Variants in CSMD1 observed in about 807,000 individuals in gnomAD.
CSMD1 encodes the protein CUB and sushi domain-containing protein 1.
In CSMD1, 213 loss-of-function variants were observed where a neutral mutation model predicts 417.5. That is an observed-to-expected ratio of 0.51 (90% CI 0.46 to 0.57). The LOEUF is 0.57. Ranked by LOEUF, CSMD1 falls within the 20% of genes least tolerant of loss-of-function variation. The pLI is 0.00. For missense variants in CSMD1, 6,923 were observed against 4,529.7 expected (o/e 1.53, Z -15.17); for synonymous variants, 2,862 against 1,736.8 (o/e 1.65, Z -16.11).
At chr8:3,189,277 T>A (rs897950525) in intron 34 of CSMD1, among the ~76,000 whole-genome samples, 1 of 152,238 alleles carries the variant, frequency 6.6e-6, no homozygotes, top group Non-Finnish European at 1.5e-5. Context: ...TGATGTCCAA[T>A]GATGGCATCT....
chr8:4,967,841 G>A (rs1005008893), intron 1 of CSMD1, among the ~76,000 whole-genome samples: 1 of 152,172 alleles, frequency 6.6e-6, no homozygotes, highest in Admixed American at 6.6e-5. Context: ...TGTAACAGTT[G>A]AGATGACAAC....
intron 1 of CSMD1, among the ~76,000 whole-genome samples, chr8:4,777,544 C>T (rs1796927774): frequency 6.6e-6 from 1 of 152,164 alleles, no homozygotes; most frequent in African/African-American, 2.4e-5. Flanking sequence ...TTTTTAAAAG[C>T]AGTACACAGA....
intron 3 of CSMD1, among the ~76,000 whole-genome samples, chr8:4,195,550 C>G (rs1002823778): frequency 2.0e-5 from 3 of 152,094 alleles, no homozygotes; most frequent in African/African-American, 4.8e-5. Flanking sequence ...TTGTGATGTG[C>G]GTCTGACCAA....
chr8:2,948,249 G>A (rs1388452433), intron 68 of CSMD1, among the ~76,000 whole-genome samples: 2 of 151,988 alleles, frequency 1.3e-5, no homozygotes, highest in Admixed American at 6.6e-5. Flanking sequence ...CAATGCTTAC[G>A]TGGCCTCTCA....
At chr8:4,146,650 C>T (rs544893544) in intron 3 of CSMD1, among the ~76,000 whole-genome samples, 79 of 118,606 alleles carry the variant, frequency 6.7e-4, no homozygotes, top group Non-Finnish European at 8.9e-4. Context: ...CTCGATCCGT[C>T]CCCCAGGCTG....
chr8:3,778,514 T>C (rs1412301464), intron 5 of CSMD1, among the ~76,000 whole-genome samples: 1 of 152,234 alleles, frequency 6.6e-6, no homozygotes, highest in Non-Finnish European at 1.5e-5. Context: ...CCCTACCTTC[T>C]ACAAGAACGC....
chr8:3,778,876 G>A (rs1334769621), intron 5 of CSMD1, among the ~76,000 whole-genome samples: 1 of 152,084 alleles, frequency 6.6e-6, no homozygotes, highest in Non-Finnish European at 1.5e-5. Context: ...CTGCTTGCAG[G>A]CATTTGGACA....
At chr8:2,994,869 AAAG>A (rs1310086687) in intron 54 of CSMD1, among the ~76,000 whole-genome samples, 2 of 152,230 alleles carry the variant, frequency 1.3e-5, no homozygotes. Flanking sequence ...TAGGTTAAAA[AAAG>A]AATAGTGAAA....
At chr8:4,055,799 G>C (rs1377732368) in intron 3 of CSMD1, among the ~76,000 whole-genome samples, 11 of 151,934 alleles carry the variant, frequency 7.2e-5, no homozygotes, top group Non-Finnish European at 1.6e-4. Flanking sequence ...CACTTCAAAT[G>C]ACTAACACTG....
intron 3 of CSMD1, among the ~76,000 whole-genome samples, chr8:4,158,041 G>T (rs983313234): frequency 1.3e-5 from 2 of 151,208 alleles, no homozygotes; most frequent in Non-Finnish European, 2.9e-5. Flanking sequence ...CCTGCTCAAA[G>T]CTCCTGCTAC....
At chr8:4,638,052 GACA>G (rs1160005049) in intron 1 of CSMD1, among the ~76,000 whole-genome samples, 2 of 152,108 alleles carry the variant, frequency 1.3e-5, no homozygotes, top group Non-Finnish European at 2.9e-5. Flanking sequence ...AAAGATAGAG[GACA>G]ACAACAAATT....
intron 2 of CSMD1, among the ~76,000 whole-genome samples, chr8:4,433,261 C>T (rs148102744): frequency 3.9e-4 from 59 of 152,198 alleles, no homozygotes; most frequent in African/African-American, 1.4e-3. Context: ...TGAATGACCC[C>T]GAAACCATTT....
At chr8:3,256,924 A>G (rs976824914) in intron 26 of CSMD1, among the ~76,000 whole-genome samples, 1 of 152,250 alleles carries the variant, frequency 6.6e-6, no homozygotes, top group Non-Finnish European at 1.5e-5. Context: ...AATGTTAACT[A>G]ACAAAATTTT....
chr8:4,353,777 A>T (rs577832378), intron 3 of CSMD1, among the ~76,000 whole-genome samples: 2 of 152,166 alleles, frequency 1.3e-5, no homozygotes, highest in Admixed American at 6.5e-5. Context: ...CATTTGATTT[A>T]CTTATTTGCT....
chr8:3,796,881 A>G (rs1800183701), intron 5 of CSMD1, among the ~76,000 whole-genome samples: 2 of 151,844 alleles, frequency 1.3e-5, no homozygotes, highest in South Asian at 4.1e-4. Context: ...ACAAAAATGG[A>G]AATTCCTCAC....
At chr8:4,192,668 T>C (rs543996388) in intron 3 of CSMD1, among the ~76,000 whole-genome samples, 1 of 152,304 alleles carries the variant, frequency 6.6e-6, no homozygotes, top group South Asian at 2.1e-4. Context: ...AAACCTTAAA[T>C]CTGCACTTAA....
intron 12 of CSMD1, among the ~76,000 whole-genome samples, chr8:3,431,470 A>G (rs1814213487): frequency 6.6e-6 from 1 of 152,078 alleles, no homozygotes; most frequent in African/African-American, 2.4e-5. Context: ...AGGCTATTTA[A>G]CTGGTATTCA....
intron 1 of CSMD1, among the ~76,000 whole-genome samples, chr8:4,921,152 G>C (rs1806471340): frequency 6.6e-6 from 1 of 151,926 alleles, no homozygotes. Flanking sequence ...AAGAAATTAT[G>C]ATGATTATGA....
chr8:4,119,324 A>G (rs148190247), intron 3 of CSMD1, among the ~76,000 whole-genome samples: 36 of 152,250 alleles, frequency 2.4e-4, no homozygotes, highest in African/African-American at 7.9e-4. Context: ...TTACTAATCA[A>G]AGTTTGGTAC....
Sources: allele counts gnomAD v4.1 joint callset (sites outside exome capture counted in the v4.1 genomes callset), GRCh38; gene constraint gnomAD v4.1.1; transcripts MANE v1.5; gene names NCBI Gene and HGNC (gene_info 2026-07-23, HGNC 2026-07-21).